The following SH3RF3 variants were observed in gnomAD, a reference collection of about 807,000 sequenced individuals.
SH3RF3 encodes SH3 domain containing ring finger 3.
Under a neutral mutation model 66.3 loss-of-function variants are expected in SH3RF3, and 29 were observed. The ratio of observed to expected loss-of-function variants is 0.44; its 90% CI spans 0.33 to 0.60. SH3RF3 has a LOEUF of 0.60. Ranked by LOEUF, SH3RF3 falls within the 20% of genes least tolerant of loss-of-function variation. The pLI, the probability that SH3RF3 is intolerant of heterozygous loss-of-function variation, is 0.04. For missense variants in SH3RF3, 1,194 were observed against 1,190.9 expected (o/e 1.00, Z -0.04); for synonymous variants, 583 against 532.0 (o/e 1.10, Z -1.32).
At chr2:109,326,295 A>G (rs779421409) in intron 1 of SH3RF3, among the ~76,000 whole-genome samples, 6 of 152,074 alleles carry the variant, frequency 3.9e-5, no homozygotes, top group Non-Finnish European at 8.8e-5. Flanking sequence ...ACAGTTTTTC[A>G]TGGATCTGAG....
intron 1 of SH3RF3, among the ~76,000 whole-genome samples, chr2:109,174,709 G>A (rs1574487693): frequency 6.6e-6 from 1 of 152,240 alleles, no homozygotes; most frequent in Non-Finnish European, 1.5e-5. Context: ...CATGCACTGA[G>A]GTGGGAGATT....
chr2:109,435,680 G>A lies in SH3RF3; in HGVS notation c.1575-1213G>A, dbSNP rs1471733660. Among the ~76,000 whole-genome samples the A allele has an allele frequency of 3.3e-5, 5 of 152,344 alleles. No homozygotes were observed. In the East Asian group the frequency reaches 5.8e-4, roughly 18 times the overall value. ...AAAGGGTTTTCTGCTGTCATGAGAGGCAGATGTGTGTCTGTATCTGTTGTG... is the reference window on the plus strand; with the variant it reads ...AAAGGGTTTTCTGCTGTCATGAGAGACAGATGTGTGTCTGTATCTGTTGTG... On this transcript the variant is annotated intron_variant, in intron 6 of 9. Coordinates refer to ENST00000309415, the MANE Select transcript of SH3RF3 (RefSeq NM_001099289.3).
intron 1 of SH3RF3, among the ~76,000 whole-genome samples, chr2:109,321,035 G>A (rs1285328243): frequency 1.3e-5 from 2 of 152,162 alleles, no homozygotes; most frequent in Admixed American, 1.3e-4. Context: ...CTCAAAAATG[G>A]CTGCTCTTAC....
chr2:109,402,762 C>T (rs918891088), intron 4 of SH3RF3, among the ~76,000 whole-genome samples: 21 of 152,296 alleles, frequency 1.4e-4, no homozygotes, highest in Middle Eastern at 6.8e-3. Flanking sequence ...ACTTCTGGGC[C>T]ATGGGGGGCA....
At chr2:109,257,499 A>G (rs570852090) in intron 1 of SH3RF3, among the ~76,000 whole-genome samples, 72 of 152,230 alleles carry the variant, frequency 4.7e-4, no homozygotes, top group African/African-American at 1.5e-3. Context: ...AAGTCTGTGA[A>G]GGGCACACCA....
chr2:109,193,065 G>A (rs1442249385), intron 1 of SH3RF3, among the ~76,000 whole-genome samples: 2 of 152,226 alleles, frequency 1.3e-5, no homozygotes, highest in African/African-American at 2.4e-5. Flanking sequence ...ATTACTTAGT[G>A]TGGTTCAAAG....
intron 8 of SH3RF3, among the ~76,000 whole-genome samples, chr2:109,452,844 C>G (rs1179471848): frequency 2.1e-5 from 3 of 145,258 alleles, no homozygotes; most frequent in African/African-American, 7.8e-5. Flanking sequence ...GGAGGCTGGT[C>G]CCTGGGAGGC....
At chr2:109,232,051 G>A (rs922654496) in intron 1 of SH3RF3, among the ~76,000 whole-genome samples, 2 of 152,202 alleles carry the variant, frequency 1.3e-5, no homozygotes, top group Admixed American at 1.3e-4. Flanking sequence ...GGACATTTGG[G>A]TTGTTTTCAC....
In SH3RF3 at chr2:109,182,700, T is replaced by G. The variant is rs141302915; in HGVS notation, c.573+52587T>G. On this transcript the variant is annotated intron_variant, in intron 1 of 9. Transcript: ENST00000309415. ...CTTTGAGGCTAGGCTGGTATTTCCT[T>G]GATATCAACTACTGCAGTGGTCTAC... 3.9e-5 allele frequency among the ~76,000 whole-genome samples: 6 copies of G among 152,352 alleles called. 1 individual carries two copies. The South Asian group carries it at 1.0e-3, about 26-fold the overall frequency.
At position 109,347,718 on chromosome 2, in the gene SH3RF3, G is replaced by A. The variant is rs747593314; in HGVS notation, c.618G>A (p.Glu206=). Residue 206 remains glutamate, a synonymous_variant, in exon 2 of 10, where the codon GAG becomes GAA. Coordinates refer to ENST00000309415, the MANE Select transcript of SH3RF3 (RefSeq NM_001099289.3). ...LPYGKALYSY[E]GKEPGDLKFN... is the part of the protein sequence containing the mutation. ...ATGGCAAGGCCCTCTACAGCTACGA[G>A]GGGAAGGAACCTGGTGACCTCAAGT... 1.3e-5 allele frequency: 21 copies of A among 1,613,882 alleles called. No individual in the cohort carries two copies. Among genetic ancestry groups the A allele is most frequent in the Non-Finnish European group, 1.8e-5 (21 of 1,179,856 alleles).
intron 1 of SH3RF3, among the ~76,000 whole-genome samples, chr2:109,327,577 A>G (rs1352091982): frequency 2.0e-5 from 3 of 152,240 alleles, no homozygotes; most frequent in African/African-American, 7.2e-5. Flanking sequence ...GGAGAAAATT[A>G]CAGCTTTTCT....
At chr2:109,360,621 A>C (rs572587889) in intron 2 of SH3RF3, among the ~76,000 whole-genome samples, 24 of 152,340 alleles carry the variant, frequency 1.6e-4, no homozygotes, top group African/African-American at 5.0e-4. Context: ...AATAAAAGAT[A>C]CTCAGCCTGT....
intron 1 of SH3RF3, among the ~76,000 whole-genome samples, chr2:109,240,957 A>G (rs1228876785): frequency 6.7e-6 from 1 of 149,028 alleles, no homozygotes; most frequent in Admixed American, 6.8e-5. Context: ...ACCTCCTTAT[A>G]ATCCACATCC....
At chr2:109,493,989 G>T (rs1679194643) in intron 9 of SH3RF3, among the ~76,000 whole-genome samples, 1 of 152,156 alleles carries the variant, frequency 6.6e-6, no homozygotes, top group African/African-American at 2.4e-5. Flanking sequence ...AACACCTGCT[G>T]CCTGTGTTTT....
At chr2:109,248,867 T>TG (rs1679985792) in intron 1 of SH3RF3, among the ~76,000 whole-genome samples, 4 of 121,164 alleles carry the variant, frequency 3.3e-5, no homozygotes, top group African/African-American at 1.4e-4. Flanking sequence ...CCTTTCCTTT[T>TG]TCCTTTCCTT....
Position 109,447,021 on chromosome 2 carries a change from T to G in SH3RF3, c.1829-2149T>G, listed in dbSNP as rs539062913. Among the ~76,000 whole-genome samples, 10 of 150,900 alleles carry G rather than the reference T, an allele frequency of 6.6e-5. No individual in the cohort carries two copies. The East Asian group carries it at 1.8e-3, about 27-fold the overall frequency. On this transcript the variant is annotated intron_variant, in intron 7 of 9. Coordinates refer to ENST00000309415, the MANE Select transcript of SH3RF3 (RefSeq NM_001099289.3). ...GGCCTCTGAGTCAGGGTTTCCAGGG[T>G]GATTAAATGACCCGAGGCCCCTGGA...
chr2:109,297,510 C>A (rs905550621), intron 1 of SH3RF3, among the ~76,000 whole-genome samples: 1 of 151,958 alleles, frequency 6.6e-6, no homozygotes, highest in African/African-American at 2.4e-5. Flanking sequence ...GTGCCTCCGA[C>A]CCAAGTCAGT....
intron 1 of SH3RF3, among the ~76,000 whole-genome samples, chr2:109,271,828 T>A (rs917048782): frequency 1.3e-5 from 2 of 152,258 alleles, no homozygotes; most frequent in African/African-American, 4.8e-5. Context: ...CAAATCTGAA[T>A]TGAATATAAG....
At chr2:109,272,649 C>T (rs1459547097) in intron 1 of SH3RF3, among the ~76,000 whole-genome samples, 2 of 152,224 alleles carry the variant, frequency 1.3e-5, no homozygotes, top group Non-Finnish European at 2.9e-5. Flanking sequence ...CAGCTGCCAA[C>T]GGTCCTCCTC....
Sources: gnomAD v4.1 joint callset for allele counts (sites outside exome capture counted in the v4.1 genomes callset) on GRCh38, gnomAD v4.1.1 for gene constraint, MANE v1.5 for transcripts, NCBI Gene and HGNC (gene_info 2026-07-23, HGNC 2026-07-21) for gene names.